Variants in RABGAP1L observed in about 807,000 individuals in gnomAD.
The protein encoded by RABGAP1L is rab GTPase-activating protein 1-like.
RABGAP1L carries 63 observed loss-of-function variants against 137.7 expected under a neutral mutation model. The observed-to-expected ratio is 0.46, with a 90% confidence interval of 0.37 to 0.56. The LOEUF (loss-of-function observed/expected upper bound fraction) is 0.56, where lower values mean the gene tolerates loss of function less well. Ranked by LOEUF, RABGAP1L falls within the 20% of genes least tolerant of loss-of-function variation. RABGAP1L has a pLI of 0.00. For synonymous variants in RABGAP1L, 431 were observed against 433.7 expected (o/e 0.99, Z 0.08); for missense variants, 1,095 against 1,244.0 (o/e 0.88, Z 1.80).
intron 13 of RABGAP1L, among the ~76,000 whole-genome samples, chr1:174,437,553 G>A (rs1410511865): frequency 6.6e-6 from 1 of 152,214 alleles, no homozygotes; most frequent in Non-Finnish European, 1.5e-5. Context: ...AAGCCTCCAA[G>A]AAATATGGGA....
intron 19 of RABGAP1L, among the ~76,000 whole-genome samples, chr1:174,846,079 T>G (rs2148964394): frequency 6.6e-6 from 1 of 151,848 alleles, no homozygotes; most frequent in Middle Eastern, 3.4e-3. Flanking sequence ...GATATCCCCT[T>G]TATTATTTTT....
At chr1:174,690,913 G>A (rs1289032697) in intron 15 of RABGAP1L, among the ~76,000 whole-genome samples, 1 of 147,824 alleles carries the variant, frequency 6.8e-6, no homozygotes, top group African/African-American at 2.5e-5. Flanking sequence ...GCTCACTGTA[G>A]CCTCTTCTCC....
At chr1:174,913,461 T>C (rs1660370379) in intron 19 of RABGAP1L, among the ~76,000 whole-genome samples, 1 of 152,208 alleles carries the variant, frequency 6.6e-6, no homozygotes, top group Non-Finnish European at 1.5e-5. Context: ...CAGTTTTTCT[T>C]GTCTTGCCTG....
intron 17 of RABGAP1L, among the ~76,000 whole-genome samples, chr1:174,725,699 T>C (rs1256907215): frequency 6.6e-6 from 1 of 152,182 alleles, no homozygotes; most frequent in Non-Finnish European, 1.5e-5. Flanking sequence ...CTTGCTGGCT[T>C]GCTGGGTCAA....
intron 13 of RABGAP1L, among the ~76,000 whole-genome samples, chr1:174,514,347 C>G (rs560662012): frequency 6.6e-6 from 1 of 150,982 alleles, no homozygotes; most frequent in South Asian, 2.1e-4. Flanking sequence ...GGATAGAAGC[C>G]AGACTTTAAG....
chr1:174,573,420 G>A (rs1282595927), intron 13 of RABGAP1L, among the ~76,000 whole-genome samples: 1 of 151,990 alleles, frequency 6.6e-6, no homozygotes, highest in African/African-American at 2.4e-5. Context: ...AAGTCATTAA[G>A]TGTTTTCTGG....
chr1:174,753,798 A>G (rs1226338039), intron 18 of RABGAP1L, among the ~76,000 whole-genome samples: 11 of 152,242 alleles, frequency 7.2e-5, no homozygotes, highest in South Asian at 2.1e-4. Context: ...TAAAGTAAGT[A>G]TAAGGAGGTC....
intron 19 of RABGAP1L, chr1:174,877,489 G>A (rs1268838580): frequency 6.2e-7 from 1 of 1,614,080 alleles, no homozygotes; most frequent in African/African-American, 1.3e-5. Context: ...AAGGCCAGCT[G>A]GCAAGATGAT....
At chr1:174,485,150 A>G (rs1659501125) in intron 13 of RABGAP1L, among the ~76,000 whole-genome samples, 1 of 151,984 alleles carries the variant, frequency 6.6e-6, no homozygotes, top group South Asian at 2.1e-4. Flanking sequence ...TCTTTTTCAG[A>G]TTGTTTACTG....
intron 13 of RABGAP1L, among the ~76,000 whole-genome samples, chr1:174,528,577 T>C (rs1317443217): frequency 1.3e-5 from 2 of 151,558 alleles, no homozygotes; most frequent in African/African-American, 4.8e-5. Context: ...TCATTGTTAG[T>C]CTGATGGTTT....
In RABGAP1L at chr1:174,219,179, C is replaced by T; in HGVS notation, c.22C>T (p.Gln8Ter). 6.2e-7 allele frequency: 1 copy of T among 1,603,374 alleles called. No homozygotes were observed. Among genetic ancestry groups the T allele is most frequent in the Non-Finnish European group, 8.5e-7 (1 of 1,175,186 alleles). Residue 8 changes from glutamine to a stop codon, truncating the protein, a stop_gained, in exon 2 of 26, where the codon CAG becomes TAG. Transcript: ENST00000681986. LOFTEE classifies it high-confidence loss of function. ...TGAAATGGAGGTCAGAGCTTCATTA[C>T]AGAAGGTTAGTGGATCATCTGATTC... MEVRASL[Q>*]KVSGSSDSVA...
intron 13 of RABGAP1L, among the ~76,000 whole-genome samples, chr1:174,520,550 C>T (rs1414234161): frequency 6.6e-6 from 1 of 152,200 alleles, no homozygotes; most frequent in East Asian, 1.9e-4. Context: ...CTCTACTTCA[C>T]ATTTGATTCT....
intron 11 of RABGAP1L, among the ~76,000 whole-genome samples, chr1:174,357,483 A>G (rs1558161842): frequency 1.3e-5 from 2 of 152,256 alleles, no homozygotes; most frequent in Non-Finnish European, 2.9e-5. Context: ...CAAATAAGAT[A>G]TAGTCCCAGC....
At chr1:174,766,584 A>G (rs1685690002) in intron 18 of RABGAP1L, among the ~76,000 whole-genome samples, 1 of 152,142 alleles carries the variant, frequency 6.6e-6, no homozygotes. Flanking sequence ...GGTCCCTTGC[A>G]TTTTCATATG....
At chr1:174,355,421 C>T (rs576367614) in intron 11 of RABGAP1L, among the ~76,000 whole-genome samples, 23 of 138,180 alleles carry the variant, frequency 1.7e-4, no homozygotes, top group South Asian at 1.6e-3. Flanking sequence ...AATGAGAACA[C>T]GTGGACACAG....
intron 15 of RABGAP1L, among the ~76,000 whole-genome samples, chr1:174,691,673 A>G (rs966752761): frequency 3.3e-5 from 5 of 152,238 alleles, no homozygotes; most frequent in African/African-American, 1.2e-4. Flanking sequence ...GAGACCCACC[A>G]TATTCCAACA....
intron 19 of RABGAP1L, among the ~76,000 whole-genome samples, chr1:174,842,922 G>A (rs75476292): frequency 0.048 from 7,256 of 151,120 alleles, 278 homozygotes; most frequent in Non-Finnish European, 0.076. Context: ...TTACTTTTTC[G>A]AAAGTTTCTA....
At chr1:174,808,722 C>T (rs1358374194) in intron 18 of RABGAP1L, among the ~76,000 whole-genome samples, 1 of 151,214 alleles carries the variant, frequency 6.6e-6, no homozygotes, top group Non-Finnish European at 1.5e-5. Context: ...GGTGCAGTCT[C>T]GGCTCTCTGC....
chr1:174,910,057 T>TA (rs945939013), intron 19 of RABGAP1L, among the ~76,000 whole-genome samples: 1 of 152,144 alleles, frequency 6.6e-6, no homozygotes, highest in African/African-American at 2.4e-5. Context: ...GAGAATGGCG[T>TA]AAACCTGGGA....
Sources: gnomAD v4.1 joint callset for allele counts (sites outside exome capture counted in the v4.1 genomes callset) on GRCh38, gnomAD v4.1.1 for gene constraint, MANE v1.5 for transcripts, NCBI Gene and HGNC (gene_info 2026-07-23, HGNC 2026-07-21) for gene names.